Variants in FGF10 observed in about 807,000 individuals in gnomAD.
FGF10 encodes the protein fibroblast growth factor 10.
FGF10 carries 2 observed loss-of-function variants against 19.8 expected under a neutral mutation model. The observed-to-expected ratio is 0.10, with a 90% CI of 0.04 to 0.32. The LOEUF (loss-of-function observed/expected upper bound fraction) is 0.32. Ranked by LOEUF, FGF10 falls within the 10% of genes least tolerant of loss-of-function variation. FGF10 has a pLI of 1.00. For synonymous variants in FGF10, 112 were observed against 94.0 expected, an observed-to-expected ratio of 1.19 and a Z score of -1.10; for missense variants, 191 against 246.3, an observed-to-expected ratio of 0.78 and a Z score of 1.50.
At chr5:44,347,778 A>G (rs1741120961) in intron 1 of FGF10, among the ~76,000 whole-genome samples, 1 of 151,714 alleles carries the variant, frequency 6.6e-6, no homozygotes, top group South Asian at 2.1e-4. Flanking sequence ...ATGCCCTTAT[A>G]GTAGGATTCC....
chr5:44,381,470 T>TA lies in FGF10; in HGVS notation c.325+6887dup, dbSNP rs200345651. The stretch of plus-strand genomic sequence containing the variant: ...CAGTTCAGAAACCAGATAAAAGTAA[T>TA]AAAAAAAAAAACACACACAAAACCA... On this transcript the variant is annotated intron_variant, in intron 1 of 2. Transcript: ENST00000264664. Among the ~76,000 whole-genome samples, 737 of 136,972 alleles carry TA rather than the reference T, an allele frequency of 5.4e-3. 4 individuals carry two copies. Among genetic ancestry groups the TA allele is most frequent in the East Asian group, 0.015 (67 of 4,582 alleles). The allele number at this position is 136,972 out of a possible 152,430, so 89.9% of individuals were successfully genotyped here.
chr5:44,365,109 CA>C (rs1218394235), intron 1 of FGF10, among the ~76,000 whole-genome samples: 1 of 151,744 alleles, frequency 6.6e-6, no homozygotes, highest in Non-Finnish European at 1.5e-5. Flanking sequence ...TCTAAAATAA[CA>C]AAGAGTGTGA....
At chr5:44,324,860 A>G (rs1435796437) in intron 1 of FGF10, among the ~76,000 whole-genome samples, 3 of 152,196 alleles carry the variant, frequency 2.0e-5, no homozygotes, top group Non-Finnish European at 4.4e-5. Context: ...GGAATAAGCA[A>G]CATCCAACAG....
At chr5:44,311,455 G>A (rs1326857240) in intron 1 of FGF10, among the ~76,000 whole-genome samples, 1 of 152,012 alleles carries the variant, frequency 6.6e-6, no homozygotes, top group African/African-American at 2.4e-5. Context: ...GTGGCCTCTG[G>A]AGCCAAAATG....
chr5:44,363,927 A>G (rs1432499588), intron 1 of FGF10, among the ~76,000 whole-genome samples: 1 of 151,834 alleles, frequency 6.6e-6, no homozygotes, highest in Non-Finnish European at 1.5e-5. Flanking sequence ...TGAAGCAACA[A>G]GTTTGCACCT....
chr5:44,332,720 T>G (rs990367078), intron 1 of FGF10, among the ~76,000 whole-genome samples: 16 of 152,154 alleles, frequency 1.1e-4, no homozygotes, highest in African/African-American at 3.9e-4. Flanking sequence ...GACCACACTT[T>G]GAGTAGCATG....
At position 44,303,862 on chromosome 5, in the gene FGF10, C is replaced by A. The variant is rs933854321; in HGVS notation, c.*1133G>T. ...GGAAAGATGCATTATGTGGAATTTA[C>A]AGAGGGTTTTTAGAGATGTGGACAG... On this transcript the variant is annotated 3_prime_UTR_variant, in exon 3 of 3. Transcript: ENST00000264664. 1 of 152,132 alleles carries A rather than the reference C, an allele frequency of 6.6e-6. No homozygotes were observed. The allele number at this position is 152,132 out of a possible 1,614,324, so 9.4% of individuals were successfully genotyped here.
At chr5:44,388,254 G>T in intron 1 of FGF10, 104 bp downstream of exon 1, 2 of 1,028,980 alleles carry the variant, frequency 1.9e-6, no homozygotes. Flanking sequence ...TACAGGGGTT[G>T]GGGACGTAAA....
intron 1 of FGF10, among the ~76,000 whole-genome samples, chr5:44,344,974 G>T (rs887323847): frequency 4.0e-5 from 6 of 151,738 alleles, no homozygotes; most frequent in African/African-American, 1.2e-4. Context: ...GTGGCCTTGG[G>T]TGCCTAAAAA....
intron 1 of FGF10, among the ~76,000 whole-genome samples, chr5:44,360,038 C>A (rs1363342197): frequency 1.3e-5 from 2 of 151,472 alleles, no homozygotes; most frequent in African/African-American, 4.8e-5. Context: ...TTCAAATCAT[C>A]CCCATCCTGA....
At chr5:44,341,181 A>C (rs1740960895) in intron 1 of FGF10, among the ~76,000 whole-genome samples, 1 of 152,002 alleles carries the variant, frequency 6.6e-6, no homozygotes, top group African/African-American at 2.4e-5. Flanking sequence ...ATTATAGCAT[A>C]ATGTTTTACA....
In FGF10 at chr5:44,388,746, C is replaced by T. The variant is rs562602772; in HGVS notation, c.-64G>A. 1.9e-6 allele frequency: 3 copies of T among 1,556,404 alleles called. No homozygotes were observed. The South Asian group carries it at 3.4e-5, about 18-fold the overall frequency. On this transcript the variant is annotated 5_prime_UTR_variant, in exon 1 of 3. Transcript: ENST00000264664. ...AAGGAACATACTGGAAGGGTAAGAC[C>T]CGATGCAAGGCAAGGAGAGAGCTCG...
At chr5:44,335,280 C>T (rs945088292) in intron 1 of FGF10, among the ~76,000 whole-genome samples, 1 of 152,050 alleles carries the variant, frequency 6.6e-6, no homozygotes, top group Non-Finnish European at 1.5e-5. Context: ...ATGACCTACT[C>T]TCCCTTCCCT....
At chr5:44,318,035 T>C (rs76071069) in intron 1 of FGF10, among the ~76,000 whole-genome samples, 1,898 of 152,222 alleles carry the variant, frequency 0.012, 86 homozygotes, top group East Asian at 0.12. Flanking sequence ...CCCCTGGAGA[T>C]AGAAACTCTA....
At chr5:44,309,739 G>C (rs1268153574) in intron 2 of FGF10, among the ~76,000 whole-genome samples, 1 of 152,006 alleles carries the variant, frequency 6.6e-6, no homozygotes, top group African/African-American at 2.4e-5. Flanking sequence ...CTAAGAAATT[G>C]GTTTAAAAGA....
intron 2 of FGF10, among the ~76,000 whole-genome samples, chr5:44,310,047 C>T (rs1185662499): frequency 6.6e-6 from 1 of 152,138 alleles, no homozygotes; most frequent in Non-Finnish European, 1.5e-5. Context: ...TCATCTTCAG[C>T]CGTAACGCAT....
chr5:44,365,990 C>T (rs182870447), intron 1 of FGF10, among the ~76,000 whole-genome samples: 4 of 151,934 alleles, frequency 2.6e-5, no homozygotes, highest in African/African-American at 9.6e-5. Flanking sequence ...ATTTCCTCCC[C>T]ATTTATTGGT....
At chr5:44,349,380 AC>A (rs1273516769) in intron 1 of FGF10, among the ~76,000 whole-genome samples, 1 of 135,254 alleles carries the variant, frequency 7.4e-6, no homozygotes, top group Non-Finnish European at 1.6e-5. Context: ...AATACTTTTA[AC>A]AATGATAATT....
chr5:44,345,653 C>T (rs992278698), intron 1 of FGF10, among the ~76,000 whole-genome samples: 7 of 145,444 alleles, frequency 4.8e-5, no homozygotes, highest in Admixed American at 4.8e-4. Flanking sequence ...AAAAAAAAAT[C>T]GAACTTCTAC....
Sources: gnomAD v4.1 joint callset for allele counts (sites outside exome capture counted in the v4.1 genomes callset) on GRCh38, gnomAD v4.1.1 for gene constraint, MANE v1.5 for transcripts, NCBI Gene and HGNC (gene_info 2026-07-23, HGNC 2026-07-21) for gene names.